LMCD1: variants seen among roughly 807,000 people sequenced by gnomAD.
LMCD1 encodes LIM and cysteine rich domains 1, also known as LIM and cysteine-rich domains protein 1.
In LMCD1, 32 loss-of-function variants were observed where a neutral mutation model predicts 42.7. The observed-to-expected ratio is 0.75, with a 90% CI of 0.57 to 1.01. The LOEUF (loss-of-function observed/expected upper bound fraction) is 1.01, where lower values mean the gene tolerates loss of function less well. Ranked by LOEUF, LMCD1 falls within the 50% of genes least tolerant of loss-of-function variation. LMCD1 has a pLI of 0.00. For missense variants in LMCD1, 458 were observed against 483.1 expected (o/e 0.95, Z 0.49); for synonymous variants, 178 against 184.9 (o/e 0.96, Z 0.30).
intron 1 of LMCD1, among the ~76,000 whole-genome samples, chr3:8,529,119 T>C (rs1694355740): frequency 6.6e-6 from 1 of 152,178 alleles, no homozygotes; most frequent in Admixed American, 6.5e-5. Flanking sequence ...CAGAAAAACC[T>C]ACTGTTTATA....
intron 4 of LMCD1, among the ~76,000 whole-genome samples, chr3:8,549,207 C>T (rs1459651359): frequency 1.3e-5 from 2 of 152,094 alleles, no homozygotes; most frequent in Non-Finnish European, 2.9e-5. Flanking sequence ...TGGTGAGGTA[C>T]AAGCTGGTCT....
intron 1 of LMCD1, among the ~76,000 whole-genome samples, chr3:8,520,597 G>A (rs1262328251): frequency 6.6e-6 from 1 of 152,166 alleles, no homozygotes; most frequent in African/African-American, 2.4e-5. Flanking sequence ...CAGGGAGTTT[G>A]GATAACTTGT....
chr3:8,560,558 G>A (rs532203897), intron 4 of LMCD1, among the ~76,000 whole-genome samples: 23 of 152,312 alleles, frequency 1.5e-4, no homozygotes, highest in East Asian at 7.7e-4. Context: ...GAACTGACAC[G>A]AAGTCCCTTT....
intron 1 of LMCD1, among the ~76,000 whole-genome samples, chr3:8,502,313 A>ATATATT (rs1693748282): frequency 3.3e-4 from 8 of 23,910 alleles, no homozygotes; most frequent in South Asian, 1.7e-3. Context: ...TAATATATAA[A>ATATATT]ATATATATTA....
chr3:8,528,555 C>A (rs1008539651), intron 1 of LMCD1, among the ~76,000 whole-genome samples: 3 of 152,098 alleles, frequency 2.0e-5, no homozygotes, highest in Admixed American at 6.5e-5. Context: ...TTACGTGATG[C>A]TTACAACAGC....
chr3:8,549,172 G>T (rs1366983911), intron 4 of LMCD1, among the ~76,000 whole-genome samples: 1 of 152,154 alleles, frequency 6.6e-6, no homozygotes, highest in Non-Finnish European at 1.5e-5. Flanking sequence ...AGCCTGCTTG[G>T]TGGTGAGGGT....
At chr3:8,555,864 G>C (rs902415988) in intron 4 of LMCD1, among the ~76,000 whole-genome samples, 1 of 151,750 alleles carries the variant, frequency 6.6e-6, no homozygotes, top group Non-Finnish European at 1.5e-5. Flanking sequence ...AATTAACACA[G>C]CTCTTGAAGC....
At chr3:8,505,736 T>C (rs1426145635) in intron 1 of LMCD1, among the ~76,000 whole-genome samples, 1 of 152,242 alleles carries the variant, frequency 6.6e-6, no homozygotes, top group African/African-American at 2.4e-5. Flanking sequence ...TCTCTCTCCA[T>C]GCTTCTCTAC....
chr3:8,556,944 G>A (rs758663832), intron 4 of LMCD1, among the ~76,000 whole-genome samples: 12 of 152,180 alleles, frequency 7.9e-5, no homozygotes, highest in Non-Finnish European at 1.0e-4. Flanking sequence ...GAAGGGGTCA[G>A]TTAACAGTAG....
At chr3:8,519,907 C>CGTGTGT (rs562320226) in intron 1 of LMCD1, among the ~76,000 whole-genome samples, 381 of 150,854 alleles carry the variant, frequency 2.5e-3, no homozygotes, top group African/African-American at 8.6e-3. Flanking sequence ...TGTGCACACA[C>CGTGTGT]GTGTGTGTGT....
chr3:8,515,067 G>A lies in LMCD1; in HGVS notation c.42+13087G>A, dbSNP rs139560049. 2.0e-5 allele frequency: 9 copies of A among 456,064 alleles called. No homozygotes were observed. The East Asian group carries it at 5.6e-4, about 28-fold the overall frequency. 28.3% of individuals were successfully genotyped at this position (456,064 alleles called of 1,614,324 possible). A position where few individuals can be genotyped will look rare whatever the true frequency, so the allele number is the denominator to read the frequency against. On this transcript the variant is annotated intron_variant, in intron 1 of 5. Coordinates refer to ENST00000157600, the MANE Select transcript of LMCD1 (RefSeq NM_014583.4). ...TTGATAAACAGTTGGAAAGTGATAT[G>A]TATCCAGGCAGCAGATTAATGTGAG... is the stretch of plus-strand genomic sequence containing the variant.
At chr3:8,549,866 C>T (rs1445545604) in intron 4 of LMCD1, 1 of 729,614 alleles carries the variant, frequency 1.4e-6, no homozygotes, top group South Asian at 1.5e-5. Flanking sequence ...CTCTCTTCCT[C>T]TTCTTAGAAG....
At chr3:8,553,715 A>C (rs908656653) in intron 4 of LMCD1, among the ~76,000 whole-genome samples, 2 of 152,196 alleles carry the variant, frequency 1.3e-5, no homozygotes, top group African/African-American at 4.8e-5. Context: ...GTCCTCTGAA[A>C]GTGTTATTAT....
Position 8,567,488 on chromosome 3 carries a change from C to T in LMCD1, c.988C>T (p.Arg330Ter), listed in dbSNP as rs752796313. The T allele has an allele frequency of 3.7e-6, 6 of 1,613,738 alleles. No homozygotes were observed. The highest frequency in any genetic ancestry group is 3.3e-5 in the South Asian group (3 of 91,050). The change falls in exon 6 of 6, where the codon CGA becomes TGA. Residue 330 changes from arginine to a stop codon, truncating the protein, a stop_gained. Transcript: ENST00000157600. LOFTEE classifies it high-confidence loss of function. ...YQRVEDLAWHRKHFVCEGCEQ... is the reference protein window; with the variant it reads ...YQRVEDLAWH ...GCGTGTGGAAGATCTGGCCTGGCAC[C>T]GAAAGCACTTTGTCTGTGAGGGTTG...
intron 4 of LMCD1, chr3:8,549,883 C>G (rs754556087): frequency 1.8e-4 from 133 of 746,082 alleles, no homozygotes; most frequent in Admixed American, 1.6e-4. Context: ...GAAGCCAGTC[C>G]CACTCGTGTG....
At chr3:8,530,997 G>A (rs1201589123) in intron 1 of LMCD1, among the ~76,000 whole-genome samples, 1 of 152,240 alleles carries the variant, frequency 6.6e-6, no homozygotes, top group South Asian at 2.1e-4. Flanking sequence ...GACAAAGTGT[G>A]TGGGGACATG....
intron 1 of LMCD1, among the ~76,000 whole-genome samples, chr3:8,524,200 GAAAAAAA>G (rs767993356): frequency 2.3e-5 from 2 of 87,480 alleles, no homozygotes; most frequent in African/African-American, 8.5e-5. Context: ...ACTTCTTAAG[GAAAAAAA>G]AAAAAAAAAA....
Position 8,548,650 on chromosome 3 carries a change from T to G in LMCD1, c.470T>G (p.Leu157Arg). The G allele has an allele frequency of 1.2e-6, 2 of 1,614,150 alleles. No homozygotes were observed. The highest frequency in any genetic ancestry group is 1.7e-6 in the Non-Finnish European group (2 of 1,180,030). ...TEGAFYRRRQ[L>R]MHQLPIYDQD... ...GGTGCCTTTTACCGCCGCCGCCAGC[T>G]CATGCACCAGCTCCCCATCTATGAC... The change falls in exon 4 of 6, where the codon CTC becomes CGC. Residue 157 changes from leucine to arginine, a missense_variant. Physicochemically the swap from Leu to Arg is moderately radical, Grantham distance 102. Transcript: ENST00000157600.
intron 1 of LMCD1, among the ~76,000 whole-genome samples, chr3:8,511,109 C>T (rs1158049466): frequency 6.6e-6 from 1 of 152,170 alleles, no homozygotes; most frequent in Non-Finnish European, 1.5e-5. Flanking sequence ...GCCTTAGTTT[C>T]TTCATCAATA....
Sources: allele counts gnomAD v4.1 joint callset (sites outside exome capture counted in the v4.1 genomes callset), GRCh38; gene constraint gnomAD v4.1.1; transcripts MANE v1.5; gene names NCBI Gene and HGNC (gene_info 2026-07-23, HGNC 2026-07-21).